The following PLA2G2D variants were observed in gnomAD, a reference collection of about 807,000 sequenced individuals.
The protein encoded by PLA2G2D is group IID secretory phospholipase A2.
Under a neutral mutation model 13.9 loss-of-function variants are expected in PLA2G2D, and 17 were observed. That is an observed-to-expected ratio of 1.23 (90% CI 0.84 to 1.84). The LOEUF (loss-of-function observed/expected upper bound fraction) is 1.84, where lower values mean the gene tolerates loss of function less well. PLA2G2D is among the 40% of genes most tolerant of loss of function. The probability of loss-of-function intolerance (pLI) is 0.00; values close to 1 mark genes in which losing one functional copy is unlikely to be tolerated. For synonymous variants in PLA2G2D, 83 were observed against 69.3 expected, an observed-to-expected ratio of 1.20 and a Z score of -0.98; for missense variants, 194 against 178.7, an observed-to-expected ratio of 1.09 and a Z score of -0.49.
In PLA2G2D at chr1:20,111,968, ATT is replaced by A; in HGVS notation, c.*2144_*2145del. The A allele has an allele frequency of 7.0e-6, 1 of 142,946 alleles. No homozygotes were observed. Among genetic ancestry groups the A allele is most frequent in the Non-Finnish European group, 1.5e-5 (1 of 65,968 alleles). The allele number at this position is 142,946 out of a possible 1,614,324, so 8.9% of individuals were successfully genotyped here. On this transcript the variant is annotated 3_prime_UTR_variant, in exon 4 of 4. Coordinates refer to ENST00000375105, the MANE Select transcript of PLA2G2D (RefSeq NM_012400.4). Reference sequence around the variant, plus strand: ...ATTTTATTTTATTTTATTTTATTTTATTTTATTTTATTTTTTGAGACAGAGTG... The same window carrying A: ...ATTTTATTTTATTTTATTTTATTTTATTATTTTATTTTTTGAGACAGAGTG...
In PLA2G2D at chr1:20,113,520, C is replaced by T. The variant is rs909488919; in HGVS notation, c.*594G>A. 3 of 152,096 alleles carry T rather than the reference C, an allele frequency of 2.0e-5. No individual in the cohort carries two copies. In the East Asian group the frequency reaches 5.8e-4, roughly 29 times the overall value. The allele number at this position is 152,096 out of a possible 1,614,324, so 9.4% of individuals were successfully genotyped here. On this transcript the variant is annotated 3_prime_UTR_variant, in exon 4 of 4. Coordinates refer to ENST00000375105, the MANE Select transcript of PLA2G2D (RefSeq NM_012400.4). ...TCACCCAAGAAGGATTTATGGAGCT[C>T]CTTCTTGGTTCTGGTGTTGCTTTGG...
In PLA2G2D at chr1:20,119,475, C is replaced by T. The variant is rs778951205; in HGVS notation, c.24G>A (p.Gly8=). 2.0e-5 allele frequency: 32 copies of T among 1,613,746 alleles called. No homozygotes were observed. Among genetic ancestry groups the T allele is most frequent in the South Asian group, 1.8e-4 (16 of 91,076 alleles). MELALLC[G]LVVMAGVIPI... ...CCGACTCACCAGCCATCACCACCAG[C>T]CCACACAGCAGTGCAAGTTCCATGA... The change falls in exon 1 of 4, where the codon GGG becomes GGA. Residue 8 remains glycine (G), a synonymous_variant. Coordinates refer to ENST00000375105, the MANE Select transcript of PLA2G2D (RefSeq NM_012400.4).
In PLA2G2D at chr1:20,119,346, G is replaced by T. The variant is rs929705201; in HGVS notation, c.40+113C>A. The T allele has an allele frequency of 3.2e-6, 3 of 941,916 alleles. No individual in the cohort carries two copies. In the East Asian group the frequency reaches 7.2e-5, roughly 23 times the overall value. The allele number at this position is 941,916 out of a possible 1,614,324, so 58.3% of individuals were successfully genotyped here. On this transcript the variant is annotated intron_variant, in intron 1 of 3. Coordinates refer to ENST00000375105, the MANE Select transcript of PLA2G2D (RefSeq NM_012400.4). ...AGAGGGGCAGAAGGATTGGGGAGTG[G>T]GGGCCAGGCTCCTGGGGATCAGAGC...
At position 20,116,422 on chromosome 1, in the gene PLA2G2D, C is replaced by T; in HGVS notation, c.96G>A (p.Val32=). 1 of 1,614,140 alleles carries T rather than the reference C, an allele frequency of 6.2e-7. No homozygotes were observed. Among genetic ancestry groups the T allele is most frequent in the Non-Finnish European group, 8.5e-7 (1 of 1,180,010 alleles). The part of the protein sequence containing the change: ...ILNLNKMVKQ[V]TGKMPILSYW... ...AGGAGAGGATGGGCATTTTCCCAGT[C>T]ACTTGCTTGACCATCTTGTTCAGGT... Residue 32 remains valine (V), a synonymous_variant, in exon 2 of 4, where the codon GTG becomes GTA. Transcript: ENST00000375105.
chr1:20,116,286 C>T (rs758703730), intron 2 of PLA2G2D, 47 bp downstream of exon 2: 19 of 1,583,266 alleles, frequency 1.2e-5, no homozygotes, highest in Non-Finnish European at 1.4e-5. Context: ...AGAAGAGTAC[C>T]GTAGTCGGGG....
In PLA2G2D at chr1:20,119,507, C is replaced by T. The variant is rs751010296; in HGVS notation, c.-9G>A. 1.2e-6 allele frequency: 2 copies of T among 1,613,688 alleles called. No homozygotes were observed. Among genetic ancestry groups the T allele is most frequent in the African/African-American group, 2.7e-5 (2 of 74,868 alleles). ...AGCAGTGCAAGTTCCATGATCCCAG[C>T]ACAGAGCAGTGGAGGCAGATGCTGG... On this transcript the variant is annotated 5_prime_UTR_variant, in exon 1 of 4. Coordinates refer to ENST00000375105, the MANE Select transcript of PLA2G2D (RefSeq NM_012400.4).
rs1317018369 is a variant in PLA2G2D at position 20,113,809 on chromosome 1, A to G, written c.*305T>C. ...GGGGGTGAGGAAGGACAAGGGGGCC[A>G]GCAGGTGGGGGACAGCGGCAGACCC... On this transcript the variant is annotated 3_prime_UTR_variant, in exon 4 of 4. Coordinates refer to ENST00000375105, the MANE Select transcript of PLA2G2D (RefSeq NM_012400.4). The G allele has an allele frequency of 9.2e-6, 3 of 325,620 alleles. No individual in the cohort carries two copies. The highest frequency in any genetic ancestry group is 1.1e-5 in the Non-Finnish European group (2 of 177,280). 20.2% of individuals were successfully genotyped at this position (325,620 alleles called of 1,614,324 possible).
chr1:20,115,349 C>T (rs2016962211), intron 3 of PLA2G2D, among the ~76,000 whole-genome samples, 158 bp downstream of exon 3: 1 of 152,074 alleles, frequency 6.6e-6, no homozygotes, highest in Non-Finnish European at 1.5e-5. Context: ...CCTCTCCATA[C>T]CCCCATACCC....
chr1:20,118,865 A>G lies in PLA2G2D; in HGVS notation c.40+594T>C, dbSNP rs79282197. 5.0e-3 allele frequency among the ~76,000 whole-genome samples: 763 copies of G among 152,326 alleles called. 10 individuals carry two copies. Among genetic ancestry groups the G allele is most frequent in the African/African-American group, 0.017 (715 of 41,564 alleles). On this transcript the variant is annotated intron_variant, in intron 1 of 3. Transcript: ENST00000375105. ...TAATCCTGGAGACATGTTCCTCTAGAGAATTTCAGAGTCCCAAGATAACAT... is the reference window on the plus strand; with the variant it reads ...TAATCCTGGAGACATGTTCCTCTAGGGAATTTCAGAGTCCCAAGATAACAT...
chr1:20,117,368 C>T (rs977690101), intron 1 of PLA2G2D, among the ~76,000 whole-genome samples: 1 of 152,088 alleles, frequency 6.6e-6, no homozygotes. Flanking sequence ...GAAGAATGGT[C>T]CCAAGTCACC....
chr1:20,116,404 G>C lies in PLA2G2D; in HGVS notation c.114C>G (p.Ile38Met). ...MVKQVTGKMPILSYWPYGCHC... is the reference protein window; with the variant it reads ...MVKQVTGKMPMLSYWPYGCHC... ...GACAGCCGTAGGGCCAGTAGGAGAGGATGGGCATTTTCCCAGTCACTTGCT... is the reference window on the plus strand; with the variant it reads ...GACAGCCGTAGGGCCAGTAGGAGAGCATGGGCATTTTCCCAGTCACTTGCT... The change falls in exon 2 of 4, where the codon ATC becomes ATG. Residue 38 changes from isoleucine (I) to methionine (M), a missense_variant. Ile to Met is a conservative substitution (Grantham distance 10, BLOSUM62 1). Coordinates refer to ENST00000375105, the MANE Select transcript of PLA2G2D (RefSeq NM_012400.4). 1 of 1,614,182 alleles carries C rather than the reference G, an allele frequency of 6.2e-7. No homozygotes were observed.
Position 20,114,188 on chromosome 1 carries a change from T to G in PLA2G2D, c.364A>C (p.Asn122His), listed in dbSNP as rs1196283984. ...AGTCGCTTCTGGTAGGTGTCCAGGT[T>G]GCGCTTCAGGCAGAAGGCCACCTCC... The part of the protein sequence containing the change: ...DKEVAFCLKR[N>H]LDTYQKRLRF... Residue 122 changes from asparagine (N) to histidine (H), a missense_variant, in exon 4 of 4, where the codon AAC becomes CAC. Transcript: ENST00000375105. 1 of 1,613,892 alleles carries G rather than the reference T, an allele frequency of 6.2e-7. No individual in the cohort carries two copies. Among genetic ancestry groups the G allele is most frequent in the Non-Finnish European group, 8.5e-7 (1 of 1,179,942 alleles).
chr1:20,117,936 T>G (rs1284315566), intron 1 of PLA2G2D, among the ~76,000 whole-genome samples: 1 of 152,204 alleles, frequency 6.6e-6, no homozygotes, highest in South Asian at 2.1e-4. Flanking sequence ...TGGGCCATCA[T>G]GTCCCCAGTA....
intron 2 of PLA2G2D, 82 bp from the exon 3 acceptor site, chr1:20,115,695 G>A (rs1175760631): frequency 8.1e-6 from 7 of 867,796 alleles, no homozygotes; most frequent in East Asian, 2.4e-5. Context: ...AGAAGAACCC[G>A]TGTCCCCACC....
intron 1 of PLA2G2D, among the ~76,000 whole-genome samples, chr1:20,117,702 G>T (rs998616547): frequency 3.9e-5 from 6 of 152,060 alleles, no homozygotes. Flanking sequence ...CACACGTCCC[G>T]ATGGAGCCCA....
Position 20,117,232 on chromosome 1 carries a change from G to T in PLA2G2D, c.41-755C>A, listed in dbSNP as rs566331293. Among the ~76,000 whole-genome samples, 24 of 152,266 alleles carry T rather than the reference G, an allele frequency of 1.6e-4. No homozygotes were observed. In the East Asian group the frequency reaches 2.5e-3, roughly 16 times the overall value. ...TATTTTTAAACCCTATTTTACAGAT[G>T]AGCAGTTTGAGGCTCAGTAACTTGC... On this transcript the variant is annotated intron_variant, in intron 1 of 3. Coordinates refer to ENST00000375105, the MANE Select transcript of PLA2G2D (RefSeq NM_012400.4).
At chr1:20,115,038 C>A (rs937812932) in intron 3 of PLA2G2D, among the ~76,000 whole-genome samples, 1 of 152,106 alleles carries the variant, frequency 6.6e-6, no homozygotes, top group Admixed American at 6.5e-5. Context: ...CTTCCCCACT[C>A]TAGTTTTGGT....
Position 20,114,012 on chromosome 1 carries a change from C to T in PLA2G2D, c.*102G>A. The T allele has an allele frequency of 9.2e-7, 1 of 1,082,258 alleles. No homozygotes were observed. Among genetic ancestry groups the T allele is most frequent in the Non-Finnish European group, 1.3e-6 (1 of 745,242 alleles). The allele number at this position is 1,082,258 out of a possible 1,614,324, so 67.0% of individuals were successfully genotyped here. ...AGGGTTCCGGGGGAGGCTGGGACTA[C>T]CTCCCCCCGGAGTGTTTGAAAAGCC... On this transcript the variant is annotated 3_prime_UTR_variant, in exon 4 of 4. Coordinates refer to ENST00000375105, the MANE Select transcript of PLA2G2D (RefSeq NM_012400.4).
At chr1:20,115,446 G>A (rs1418770469) in intron 3 of PLA2G2D, 61 bp downstream of exon 3, 11 of 950,450 alleles carry the variant, frequency 1.2e-5, no homozygotes, top group Non-Finnish European at 1.9e-5. Context: ...TGTGAAGGCA[G>A]TGGGGGCCAG....
Sources: allele counts gnomAD v4.1 joint callset (sites outside exome capture counted in the v4.1 genomes callset), GRCh38; gene constraint gnomAD v4.1.1; transcripts MANE v1.5; gene names NCBI Gene and HGNC (gene_info 2026-07-23, HGNC 2026-07-21).